GALNT13: variants seen among roughly 807,000 people sequenced by gnomAD.
GALNT13 encodes polypeptide N-acetylgalactosaminyltransferase 13.
GALNT13 carries 28 observed loss-of-function variants against 64.2 expected under a neutral mutation model. That is an observed-to-expected ratio of 0.44 (90% confidence interval 0.32 to 0.60). GALNT13 has a LOEUF of 0.60. GALNT13 is among the 20% of genes least tolerant of loss of function. The pLI, the probability that GALNT13 is intolerant of heterozygous loss-of-function variation, is 0.05. For synonymous variants in GALNT13, 214 were observed against 224.6 expected (o/e 0.95, Z 0.42); for missense variants, 577 against 669.8 (o/e 0.86, Z 1.53).
At chr2:153,158,984 C>T in the GALNT13 span, 268 of 156,954 alleles carry the variant, frequency 1.7e-3, 1 homozygote, top group African/African-American at 6.1e-3. Context: ...AAGCCCTCTC[C>T]CTGAAGAAGG....
At chr2:154,428,222 G>T (rs1287125908) in intron 11 of GALNT13, among the ~76,000 whole-genome samples, 2 of 152,112 alleles carry the variant, frequency 1.3e-5, no homozygotes, top group Admixed American at 1.3e-4. Flanking sequence ...ACAAATAGTG[G>T]CAAATAGCAG....
the GALNT13 span, among the ~76,000 whole-genome samples, chr2:153,745,491 C>A: frequency 1.3e-5 from 2 of 151,994 alleles, no homozygotes; most frequent in African/African-American, 4.8e-5. Flanking sequence ...CCTGAGGTTC[C>A]TTTTGAGGTT....
At chr2:153,534,723 G>A in the GALNT13 span, among the ~76,000 whole-genome samples, 15,309 of 151,782 alleles carry the variant, frequency 0.1, 1,213 homozygotes, top group Non-Finnish European at 0.15. Context: ...CAGTGGGGGA[G>A]CTTTTTGAGC....
the GALNT13 span, among the ~76,000 whole-genome samples, chr2:153,727,190 T>C: frequency 7.2e-5 from 11 of 152,316 alleles, no homozygotes; most frequent in South Asian, 1.7e-3. Flanking sequence ...AAGGTGTTTC[T>C]GATTTCTCAC....
At chr2:153,716,801 T>C in the GALNT13 span, among the ~76,000 whole-genome samples, 3 of 152,076 alleles carry the variant, frequency 2.0e-5, no homozygotes, top group Non-Finnish European at 1.5e-5. Context: ...CCATACAAAG[T>C]AAACTAAAAA....
the GALNT13 span, among the ~76,000 whole-genome samples, chr2:153,128,658 G>T: frequency 2.6e-5 from 4 of 152,206 alleles, no homozygotes; most frequent in Non-Finnish European, 5.9e-5. Context: ...TTCTGTGTGA[G>T]TGTGCATGCA....
intron 12 of GALNT13, among the ~76,000 whole-genome samples, chr2:154,439,708 T>A (rs1265302117): frequency 6.6e-6 from 1 of 152,162 alleles, no homozygotes; most frequent in Non-Finnish European, 1.5e-5. Context: ...TTTGCATGAG[T>A]CTGTAGTTTC....
the GALNT13 span, among the ~76,000 whole-genome samples, chr2:153,412,387 C>A: frequency 6.6e-6 from 1 of 152,132 alleles, no homozygotes; most frequent in African/African-American, 2.4e-5. Context: ...CATGAAAACA[C>A]TTTTATCTTC....
In GALNT13 at chr2:154,448,442, C is replaced by T. The variant is rs1450393668; in HGVS notation, c.1531-1969C>T. 2.6e-5 allele frequency among the ~76,000 whole-genome samples: 4 copies of T among 151,902 alleles called. No individual in the cohort carries two copies. In the South Asian group the frequency reaches 8.3e-4, roughly 31 times the overall value. ...TATTTTCTGACAAAGAACATGATTC[C>T]TCAGAATAATTTGAAACATGCCTGA... On this transcript the variant is annotated intron_variant, in intron 12 of 12. Coordinates refer to ENST00000392825, the MANE Select transcript of GALNT13 (RefSeq NM_052917.4).
the GALNT13 span, among the ~76,000 whole-genome samples, chr2:153,243,209 T>C: frequency 6.6e-6 from 1 of 152,186 alleles, no homozygotes; most frequent in African/African-American, 2.4e-5. Context: ...TTGGGTTGCC[T>C]GTAATGGAAT....
chr2:154,450,397 G>C lies in GALNT13; in HGVS notation c.1531-14G>C. On this transcript the variant is annotated splice_polypyrimidine_tract_variant and intron_variant, in intron 12 of 12. Transcript: ENST00000392825. Reference sequence around the variant, plus strand: ...ACGAAATAAGCTGCACTGATTATTGGTTATCTTTTACAGAGACTCACGTTG... The same window carrying C: ...ACGAAATAAGCTGCACTGATTATTGCTTATCTTTTACAGAGACTCACGTTG... 1 of 1,602,768 alleles carries C rather than the reference G, an allele frequency of 6.2e-7. No individual in the cohort carries two copies. Among genetic ancestry groups the C allele is most frequent in the Non-Finnish European group, 8.5e-7 (1 of 1,175,280 alleles).
the GALNT13 span, among the ~76,000 whole-genome samples, chr2:153,695,425 T>C: frequency 1.3e-5 from 2 of 152,196 alleles, no homozygotes; most frequent in Non-Finnish European, 2.9e-5. Context: ...TCTGATAGAT[T>C]ACCTCTCTTC....
At chr2:153,931,107 A>G (rs13019106) in intron 2 of GALNT13, among the ~76,000 whole-genome samples, 41,277 of 123,622 alleles carry the variant, frequency 0.33, 6,881 homozygotes, top group Middle Eastern at 0.52. Context: ...GTGTGTGTCT[A>G]TTGTGAATGG....
chr2:153,962,336 A>C (rs1225702866), intron 3 of GALNT13, among the ~76,000 whole-genome samples: 1 of 152,212 alleles, frequency 6.6e-6, no homozygotes, highest in African/African-American at 2.4e-5. Context: ...GATGGAATAG[A>C]CGTATCATGT....
At chr2:153,103,937 A>T in the GALNT13 span, among the ~76,000 whole-genome samples, 4 of 151,944 alleles carry the variant, frequency 2.6e-5, no homozygotes, top group Non-Finnish European at 5.9e-5. Context: ...CCTTATACAA[A>T]CCCTCTAATG....
intron 9 of GALNT13, among the ~76,000 whole-genome samples, chr2:154,344,419 A>G (rs867846518): frequency 4.4e-4 from 67 of 152,180 alleles, no homozygotes; most frequent in African/African-American, 1.4e-3. Context: ...GCTGACATCA[A>G]TGCTTTCACA....
chr2:153,720,907 AC>A, the GALNT13 span, among the ~76,000 whole-genome samples: 2,201 of 152,064 alleles, frequency 0.014, 29 homozygotes, highest in Middle Eastern at 0.041. Context: ...ATCCAGGAGA[AC>A]TTCCCCAATC....
chr2:154,341,173 C>T (rs573190377), intron 9 of GALNT13, among the ~76,000 whole-genome samples: 1 of 151,612 alleles, frequency 6.6e-6, no homozygotes, highest in Non-Finnish European at 1.5e-5. Context: ...CAGGCATGTA[C>T]AAAGGAAAAA....
At chr2:153,230,241 G>A in the GALNT13 span, among the ~76,000 whole-genome samples, 1 of 152,242 alleles carries the variant, frequency 6.6e-6, no homozygotes, top group East Asian at 1.9e-4. Flanking sequence ...GGGAAGAATT[G>A]TTCTTATGTT....
Sources: allele counts gnomAD v4.1 joint callset (sites outside exome capture counted in the v4.1 genomes callset), GRCh38; gene constraint gnomAD v4.1.1; transcripts MANE v1.5; gene names NCBI Gene and HGNC (gene_info 2026-07-23, HGNC 2026-07-21).